The following RPS6KA5 variants were observed in gnomAD, a reference collection of about 807,000 sequenced individuals.
RPS6KA5 encodes the protein ribosomal protein S6 kinase alpha-5.
RPS6KA5 carries 27 observed loss-of-function variants against 85.5 expected under a neutral mutation model. That is an observed-to-expected ratio of 0.32 (90% CI 0.23 to 0.44). RPS6KA5 has a LOEUF of 0.44. RPS6KA5 is among the 20% of genes least tolerant of loss of function. The probability of loss-of-function intolerance (pLI) is 1.00; values close to 1 mark genes in which losing one functional copy is unlikely to be tolerated. For missense variants in RPS6KA5, 811 were observed against 980.9 expected, an observed-to-expected ratio of 0.83 and a Z score of 2.31; for synonymous variants, 334 against 348.2, an observed-to-expected ratio of 0.96 and a Z score of 0.46.
rs1400430061 is a variant in RPS6KA5, at chr14:90,857,073, CA to C, written c.*15000del. On this transcript the variant is annotated 3_prime_UTR_variant, in exon 17 of 17. Coordinates refer to ENST00000614987, the MANE Select transcript of RPS6KA5 (RefSeq NM_004755.4). ...GTTTCTATGGAGCTACCATATATGA[CA>C]GTGTCCTATTATTGCTGCCTTTTGA... The C allele has an allele frequency of 6.6e-6, 1 of 152,178 alleles. No homozygotes were observed. The highest frequency in any genetic ancestry group is 2.4e-5 in the African/African-American group (1 of 41,422). 9.4% of individuals were successfully genotyped at this position (152,178 alleles called of 1,614,324 possible).
At chr14:90,893,130 T>A (rs191152508) in intron 13 of RPS6KA5, among the ~76,000 whole-genome samples, 7 of 152,294 alleles carry the variant, frequency 4.6e-5, no homozygotes, top group African/African-American at 1.7e-4. Flanking sequence ...ATGGAACAGA[T>A]CTTTTCAATT....
In RPS6KA5 at chr14:90,859,588, A is replaced by G. The variant is rs900289148; in HGVS notation, c.*12486T>C. The G allele has an allele frequency of 6.6e-6, 1 of 152,256 alleles. No individual in the cohort carries two copies. The highest frequency in any genetic ancestry group is 2.4e-5 in the African/African-American group (1 of 41,466). 9.4% of individuals were successfully genotyped at this position (152,256 alleles called of 1,614,324 possible). ...TAAAATTGATTAGGCTCAGCAGAACAGGATAAGTTAATTAGGTCAGTAAAA... is the reference window on the plus strand; with the variant it reads ...TAAAATTGATTAGGCTCAGCAGAACGGGATAAGTTAATTAGGTCAGTAAAA... On this transcript the variant is annotated 3_prime_UTR_variant, in exon 17 of 17. Transcript: ENST00000614987.
chr14:91,042,886 C>T (rs922520309), intron 1 of RPS6KA5, among the ~76,000 whole-genome samples: 1 of 152,134 alleles, frequency 6.6e-6, no homozygotes, highest in Non-Finnish European at 1.5e-5. Context: ...TCTACCATCA[C>T]TCATCTTAAA....
At position 91,020,190 on chromosome 14, in the gene RPS6KA5, G is replaced by GGT. The variant is rs56899247; in HGVS notation, c.104-19033_104-19032dup. 9.3e-3 allele frequency among the ~76,000 whole-genome samples: 1,392 copies of GGT among 149,856 alleles called. 16 individuals carry two copies. The highest frequency in any genetic ancestry group is 0.031 in the African/African-American group (1,260 of 40,904). ...GCACATGACCATTTGTGTTTATGTG[G>GGT]GTGTGTGTGTGTGTGTGTGCATGTA... is the stretch of plus-strand genomic sequence containing the variant. On this transcript the variant is annotated intron_variant, in intron 1 of 16. Transcript: ENST00000614987.
At chr14:91,052,405 T>C (rs1186256343) in intron 1 of RPS6KA5, 1 of 363,580 alleles carries the variant, frequency 2.8e-6, no homozygotes, top group South Asian at 1.9e-5. Flanking sequence ...GAGGCGGAGG[T>C]TATAGTGAGC....
intron 14 of RPS6KA5, among the ~76,000 whole-genome samples, chr14:90,887,190 T>C (rs1374741904): frequency 6.6e-6 from 1 of 152,178 alleles, no homozygotes. Context: ...GAAAGGACTT[T>C]TGTTTTTTGG....
chr14:90,882,486 C>T (rs2033905258), intron 14 of RPS6KA5, among the ~76,000 whole-genome samples: 1 of 152,124 alleles, frequency 6.6e-6, no homozygotes. Context: ...CTTCATAAGG[C>T]TTTGAATTAA....
At chr14:91,012,521 C>T (rs1410083855) in intron 1 of RPS6KA5, among the ~76,000 whole-genome samples, 1 of 152,166 alleles carries the variant, frequency 6.6e-6, no homozygotes. Context: ...GCTTACCAGC[C>T]CCTTATAATC....
At position 90,889,294 on chromosome 14, in the gene RPS6KA5, CAAAAAAAAA is replaced by C. The variant is rs11450327; in HGVS notation, c.1836+1184_1836+1192del. Among the ~76,000 whole-genome samples the C allele has an allele frequency of 2.3e-3, 166 of 71,222 alleles. 1 individual carries two copies. The highest frequency in any genetic ancestry group is 8.2e-3 in the African/African-American group (153 of 18,702). The allele number at this position is 71,222 out of a possible 152,430, so 46.7% of individuals were successfully genotyped here. On this transcript the variant is annotated intron_variant, in intron 14 of 16. Coordinates refer to ENST00000614987, the MANE Select transcript of RPS6KA5 (RefSeq NM_004755.4). ...GGGAGACAGAGCAAGACTTTGTCTCCAAAAAAAAAAAAAAAAAAAAAAAGAGTAATTCAT... is the reference window on the plus strand; with the variant it reads ...GGGAGACAGAGCAAGACTTTGTCTCCAAAAAAAAAAAAAAGAGTAATTCAT...
At chr14:91,010,960 A>G (rs762152584) in intron 1 of RPS6KA5, among the ~76,000 whole-genome samples, 101 of 152,164 alleles carry the variant, frequency 6.6e-4, no homozygotes, top group Admixed American at 1.4e-3. Flanking sequence ...TCTCACCAAC[A>G]CAAATGGTCT....
At chr14:91,004,457 T>A (rs371004497) in intron 1 of RPS6KA5, among the ~76,000 whole-genome samples, 4 of 152,326 alleles carry the variant, frequency 2.6e-5, no homozygotes, top group African/African-American at 9.6e-5. Flanking sequence ...GTCCTCAAAG[T>A]TATTGTCTGA....
chr14:91,039,533 A>G (rs1277043224), intron 1 of RPS6KA5, among the ~76,000 whole-genome samples: 3 of 152,200 alleles, frequency 2.0e-5, no homozygotes, highest in East Asian at 1.9e-4. Context: ...CTCATACTCC[A>G]TTAGTTGAAG....
chr14:91,004,588 C>G (rs2040929079), intron 1 of RPS6KA5, among the ~76,000 whole-genome samples: 1 of 152,100 alleles, frequency 6.6e-6, no homozygotes, highest in Admixed American at 6.5e-5. Context: ...AACTTACATA[C>G]AATAAAATTC....
chr14:91,054,186 T>C (rs1271390766), intron 1 of RPS6KA5, among the ~76,000 whole-genome samples: 2 of 152,120 alleles, frequency 1.3e-5, no homozygotes, highest in Admixed American at 1.3e-4. Flanking sequence ...TATCCAGCAA[T>C]TACCTTAAAA....
intron 2 of RPS6KA5, among the ~76,000 whole-genome samples, chr14:90,999,805 T>TCA (rs2040703306): frequency 6.6e-6 from 1 of 152,190 alleles, no homozygotes; most frequent in Admixed American, 6.5e-5. Context: ...ACTGCATAGG[T>TCA]CACATCCCCC....
In RPS6KA5 at chr14:90,863,362, A is replaced by C. The variant is rs892676376; in HGVS notation, c.*8712T>G. 6.7e-6 allele frequency: 1 copy of C among 148,460 alleles called. No homozygotes were observed. The highest frequency in any genetic ancestry group is 1.5e-5 in the Non-Finnish European group (1 of 67,036). The allele number at this position is 148,460 out of a possible 1,614,324, so 9.2% of individuals were successfully genotyped here. A position where few individuals can be genotyped will look rare whatever the true frequency, so the allele number is the denominator to read the frequency against. ...AAAAGAAAAAAATATATATATATAG[A>C]ATAGAAAAATATTGAATTCTTATTC... On this transcript the variant is annotated 3_prime_UTR_variant, in exon 17 of 17. Transcript: ENST00000614987.
intron 1 of RPS6KA5, among the ~76,000 whole-genome samples, chr14:91,031,284 G>A (rs1253135502): frequency 6.6e-6 from 1 of 152,036 alleles, no homozygotes; most frequent in Non-Finnish European, 1.5e-5. Context: ...TCACAAATAT[G>A]AGAACATAAT....
intron 1 of RPS6KA5, among the ~76,000 whole-genome samples, chr14:91,056,755 T>C (rs534716355): frequency 2.2e-4 from 33 of 152,160 alleles, no homozygotes; most frequent in Non-Finnish European, 4.6e-4. Flanking sequence ...ATAATATCCT[T>C]TTTGTTATTG....
chr14:91,013,194 C>G (rs1418247859), intron 1 of RPS6KA5, among the ~76,000 whole-genome samples: 2 of 152,202 alleles, frequency 1.3e-5, no homozygotes, highest in African/African-American at 2.4e-5. Context: ...TCACCAGACT[C>G]TACATGTAAG....
Sources: gnomAD v4.1 joint callset for allele counts (sites outside exome capture counted in the v4.1 genomes callset) on GRCh38, gnomAD v4.1.1 for gene constraint, MANE v1.5 for transcripts, NCBI Gene and HGNC (gene_info 2026-07-23, HGNC 2026-07-21) for gene names.